The following NCAPD2 variants were observed in gnomAD, a reference collection of about 807,000 sequenced individuals.
The protein encoded by NCAPD2 is condensin complex subunit 1.
In NCAPD2, 100 loss-of-function variants were observed where a neutral mutation model predicts 164.5. That is an observed-to-expected ratio of 0.61 (90% CI 0.52 to 0.72). The LOEUF (loss-of-function observed/expected upper bound fraction) is 0.72, where lower values mean the gene tolerates loss of function less well. Ranked by LOEUF, NCAPD2 falls within the 30% of genes least tolerant of loss-of-function variation. NCAPD2 has a pLI of 0.00. For synonymous variants in NCAPD2, 585 were observed against 642.6 expected, an observed-to-expected ratio of 0.91 and a Z score of 1.36; for missense variants, 1,560 against 1,749.2, an observed-to-expected ratio of 0.89 and a Z score of 1.93.
chr12:6,529,475 C>G, intron 27 of NCAPD2, 38 bp from the exon 28 acceptor site: 1 of 1,586,628 alleles, frequency 6.3e-7, no homozygotes, highest in Non-Finnish European at 8.7e-7. Flanking sequence ...CAGAGCTGGC[C>G]CTGGGCCATC....
rs3076239 is a variant in NCAPD2 at position 6,523,398 on chromosome 12, GTTTTTTTT to G, written c.2214+62_2214+69del. On this transcript the variant is annotated intron_variant, in intron 17 of 31. Coordinates refer to ENST00000315579, the MANE Select transcript of NCAPD2 (RefSeq NM_014865.4). ...TATTCATTCAACAAGTATTTTGGTTGTTTTTTTTTTTTTTTTTGAGACGGAGTCATGCC... is the reference window on the plus strand; with the variant it reads ...TATTCATTCAACAAGTATTTTGGTTGTTTTTTTTTGAGACGGAGTCATGCC... The G allele has an allele frequency of 1.7e-5, 15 of 873,382 alleles. 2 individuals are homozygous for G. The highest frequency in any genetic ancestry group is 1.0e-4 in the South Asian group (6 of 60,098). The allele number at this position is 873,382 out of a possible 1,614,324, so 54.1% of individuals were successfully genotyped here.
chr12:6,502,433 C>T (rs759756131), intron 2 of NCAPD2, among the ~76,000 whole-genome samples: 6 of 152,060 alleles, frequency 3.9e-5, no homozygotes, highest in Non-Finnish European at 4.4e-5. Context: ...CTTGGGAGTA[C>T]GAATGCCCAC....
intron 17 of NCAPD2, among the ~76,000 whole-genome samples, chr12:6,524,827 G>T (rs1946301343): frequency 6.6e-6 from 1 of 152,186 alleles, no homozygotes; most frequent in Admixed American, 6.5e-5. Context: ...CGGGCACAGA[G>T]AGTGGAGGTG....
At chr12:6,530,018 G>A (rs1014681849) in intron 29 of NCAPD2, 60 bp downstream of exon 29, 49 of 1,544,442 alleles carry the variant, frequency 3.2e-5, no homozygotes, top group Middle Eastern at 1.7e-4. Flanking sequence ...GACATCTGCC[G>A]GCCCTGGGCA....
At chr12:6,503,939 C>T (rs1946063891) in intron 2 of NCAPD2, among the ~76,000 whole-genome samples, 1 of 151,992 alleles carries the variant, frequency 6.6e-6, no homozygotes, top group Admixed American at 6.6e-5. Flanking sequence ...CATCATGCCA[C>T]TGCACTCCAG....
At chr12:6,513,222 A>T (rs1366815586) in intron 6 of NCAPD2, among the ~76,000 whole-genome samples, 1 of 152,150 alleles carries the variant, frequency 6.6e-6, no homozygotes, top group Non-Finnish European at 1.5e-5. Context: ...GAATCCAAGG[A>T]CTGGTACCCT....
chr12:6,503,827 A>G (rs1170777429), intron 2 of NCAPD2, among the ~76,000 whole-genome samples: 2 of 150,834 alleles, frequency 1.3e-5, no homozygotes, highest in Non-Finnish European at 2.9e-5. Context: ...AAAAATAGAA[A>G]AATTAGCTAG....
chr12:6,515,069 A>G, intron 9 of NCAPD2, 149 bp downstream of exon 9: 1 of 807,048 alleles, frequency 1.2e-6, no homozygotes, highest in Non-Finnish European at 1.9e-6. Context: ...GAAGCAGGTC[A>G]AGTTTGTTGA....
At chr12:6,513,279 G>A (rs946716513) in intron 6 of NCAPD2, among the ~76,000 whole-genome samples, 7 of 152,142 alleles carry the variant, frequency 4.6e-5, no homozygotes, top group African/African-American at 1.2e-4. Flanking sequence ...CATGGCTCAC[G>A]CCTATAATCC....
At chr12:6,501,912 T>C (rs4764601) in intron 2 of NCAPD2, among the ~76,000 whole-genome samples, 51,323 of 152,132 alleles carry the variant, frequency 0.34, 9,171 homozygotes, top group African/African-American at 0.45. Flanking sequence ...TAGTCACTGG[T>C]AACCTTGACA....
At chr12:6,510,310 G>A (rs1946134408) in intron 4 of NCAPD2, 177 bp downstream of exon 4, 1 of 814,940 alleles carries the variant, frequency 1.2e-6, no homozygotes, top group African/African-American at 1.7e-5. Flanking sequence ...TAATCTTGGT[G>A]GGCGATACAG....
rs1946327998 is a variant in NCAPD2, at chr12:6,527,498, A to C, written c.2908-279A>C. Among the ~76,000 whole-genome samples, 6 of 152,316 alleles carry C rather than the reference A, an allele frequency of 3.9e-5. 1 individual carries two copies. In the South Asian group the frequency reaches 1.2e-3, roughly 32 times the overall value. ...AGTCTGACCTCTGTGACTTTGAACC[A>C]TTGTCTGGCGTGATCCATCTGTTTA... On this transcript the variant is annotated intron_variant, in intron 22 of 31. Coordinates refer to ENST00000315579, the MANE Select transcript of NCAPD2 (RefSeq NM_014865.4).
At chr12:6,508,547 C>T (rs1365580621) in intron 2 of NCAPD2, among the ~76,000 whole-genome samples, 1 of 152,160 alleles carries the variant, frequency 6.6e-6, no homozygotes, top group African/African-American at 2.4e-5. Flanking sequence ...GTTACAATAG[C>T]ATTCCCATTA....
chr12:6,514,934 TA>T lies in NCAPD2; in HGVS notation c.987+15del. ...CTGGATGGAGAAGTAGGTGGTCCAC[TA>T]GGGGTCACTGAGCTTTTTCTGGGGA... On this transcript the variant is annotated intron_variant, in intron 9 of 31. Coordinates refer to ENST00000315579, the MANE Select transcript of NCAPD2 (RefSeq NM_014865.4). 6.2e-7 allele frequency: 1 copy of T among 1,613,916 alleles called. No homozygotes were observed. The highest frequency in any genetic ancestry group is 1.1e-5 in the South Asian group (1 of 91,082).
intron 2 of NCAPD2, among the ~76,000 whole-genome samples, chr12:6,507,169 G>C (rs1429677618): frequency 6.6e-6 from 1 of 152,134 alleles, no homozygotes; most frequent in East Asian, 1.9e-4. Context: ...TTGAGATGGT[G>C]CCTCACCATG....
At chr12:6,523,558 C>G (rs748203445) in intron 17 of NCAPD2, among the ~76,000 whole-genome samples, 2 of 151,996 alleles carry the variant, frequency 1.3e-5, no homozygotes, top group African/African-American at 4.8e-5. Context: ...CCACCATGCC[C>G]GACTAGTTTT....
intron 14 of NCAPD2, 93 bp from the exon 15 acceptor site, chr12:6,521,705 A>G (rs1946264852): frequency 1.4e-6 from 2 of 1,465,014 alleles, no homozygotes; most frequent in Non-Finnish European, 1.9e-6. Flanking sequence ...GAAGAAGGAA[A>G]ATAAATAAGT....
intron 17 of NCAPD2, among the ~76,000 whole-genome samples, chr12:6,524,419 T>G (rs1946295633): frequency 6.6e-6 from 1 of 152,050 alleles, no homozygotes; most frequent in Non-Finnish European, 1.5e-5. Context: ...GGCAGCAGAT[T>G]ACCTGAGGTC....
intron 2 of NCAPD2, among the ~76,000 whole-genome samples, chr12:6,504,530 C>T (rs1417505060): frequency 6.6e-6 from 1 of 151,738 alleles, no homozygotes; most frequent in African/African-American, 2.4e-5. Flanking sequence ...GTAGCTGAGA[C>T]TACAGGCATG....
Sources: gnomAD v4.1 joint callset for allele counts (sites outside exome capture counted in the v4.1 genomes callset) on GRCh38, gnomAD v4.1.1 for gene constraint, MANE v1.5 for transcripts, NCBI Gene and HGNC (gene_info 2026-07-23, HGNC 2026-07-21) for gene names.